Variants in GORASP2 observed in about 807,000 individuals in gnomAD.
The protein encoded by GORASP2 is golgi reassembly stacking protein 2.
A neutral mutation model predicts 45.7 loss-of-function variants in GORASP2; 22 were observed. The observed-to-expected ratio is 0.48, with a 90% confidence interval of 0.34 to 0.69. The LOEUF is 0.69. Among genes scored for constraint, GORASP2 ranks in the 30% least tolerant of loss-of-function variants. The probability of loss-of-function intolerance (pLI) is 0.01; values close to 1 mark genes in which losing one functional copy is unlikely to be tolerated. For missense variants in GORASP2, 491 were observed against 562.7 expected, an observed-to-expected ratio of 0.87 and a Z score of 1.29; for synonymous variants, 221 against 215.6, an observed-to-expected ratio of 1.02 and a Z score of -0.22.
Position 170,959,105 on chromosome 2 carries a change from C to T in GORASP2, c.823+2546C>T, listed in dbSNP as rs369119761. Among the ~76,000 whole-genome samples, 6 of 151,918 alleles carry T rather than the reference C, an allele frequency of 3.9e-5. No individual in the cohort carries two copies. In the East Asian group the frequency reaches 5.8e-4, roughly 15 times the overall value. ...CCTCCCGAGTAGCTGGGACTACAGG[C>T]GCACGCCACCATGCCCGGCTAATTG... On this transcript the variant is annotated intron_variant, in intron 7 of 9. Transcript: ENST00000234160.
At chr2:170,942,712 A>G (rs963486402) in intron 1 of GORASP2, among the ~76,000 whole-genome samples, 13 of 152,128 alleles carry the variant, frequency 8.5e-5, no homozygotes, top group Middle Eastern at 3.2e-3. Context: ...TTCCTTGGTT[A>G]TTTGTATACC....
chr2:170,954,363 T>A (rs1227273129), intron 5 of GORASP2: 1 of 288,254 alleles, frequency 3.5e-6, no homozygotes, highest in Non-Finnish European at 6.5e-6. Flanking sequence ...ATGCAGTGTG[T>A]TGGATGGTGA....
chr2:170,932,437 G>A (rs959605485), intron 1 of GORASP2, among the ~76,000 whole-genome samples: 1 of 152,186 alleles, frequency 6.6e-6, no homozygotes, highest in African/African-American at 2.4e-5. Flanking sequence ...GTACCTCCTG[G>A]TGTTGAACAT....
intron 1 of GORASP2, among the ~76,000 whole-genome samples, chr2:170,937,464 G>A (rs1312116064): frequency 1.3e-5 from 2 of 152,074 alleles, no homozygotes; most frequent in South Asian, 2.1e-4. Context: ...GCCTCCCAAC[G>A]TGCTGGGACT....
In GORASP2 at chr2:170,962,857, C is replaced by G. The variant is rs1375677366; in HGVS notation, c.929C>G (p.Ala310Gly). The G allele has an allele frequency of 1.2e-6, 2 of 1,613,276 alleles. No homozygotes were observed. Among genetic ancestry groups the G allele is most frequent in the African/African-American group, 1.3e-5 (1 of 74,886 alleles). ...TCTTCAGGTCTGATGCCTTTACCAG[C>G]AGGACTGCCCAACCTCCCCAACCTC... Reference protein sequence around the residue: ...TTLPGLMPLPAGLPNLPNLNL... With the variant: ...TTLPGLMPLPGGLPNLPNLNL... Residue 310 changes from alanine (A) to glycine (G), a missense_variant, in exon 9 of 10, where the codon GCA becomes GGA. Transcript: ENST00000234160.
At chr2:170,958,664 TTTTTTTTTTTAAA>T (rs1310826134) in intron 7 of GORASP2, among the ~76,000 whole-genome samples, 2 of 73,706 alleles carry the variant, frequency 2.7e-5, no homozygotes, top group African/African-American at 3.3e-5. Flanking sequence ...TTTTTTTTTT[TTTTTTTTTTTAAA>T]AAAAAAAAAA....
At chr2:170,949,889 G>A in intron 3 of GORASP2, 147 bp downstream of exon 3, 1 of 656,194 alleles carries the variant, frequency 1.5e-6, no homozygotes, top group East Asian at 2.7e-5. Context: ...TGCTTTTTAA[G>A]TATGGATCAA....
At chr2:170,943,709 G>T (rs1704125173) in intron 1 of GORASP2, among the ~76,000 whole-genome samples, 1 of 152,106 alleles carries the variant, frequency 6.6e-6, no homozygotes, top group Non-Finnish European at 1.5e-5. Flanking sequence ...GCCTTGCTCT[G>T]TCGCCCAGGC....
At chr2:170,929,783 G>A in intron 1 of GORASP2, 1 of 486,380 alleles carries the variant, frequency 2.1e-6, no homozygotes, top group South Asian at 1.5e-5. Context: ...TCTCCAAAGT[G>A]GTGACTGTGA....
At chr2:170,935,892 C>G (rs1365124216) in intron 1 of GORASP2, among the ~76,000 whole-genome samples, 1 of 152,084 alleles carries the variant, frequency 6.6e-6, no homozygotes, top group African/African-American at 2.4e-5. Context: ...TGCTTTCGTA[C>G]TTATGTGATG....
chr2:170,932,107 A>AT (rs1003994156), intron 1 of GORASP2, among the ~76,000 whole-genome samples: 3 of 152,132 alleles, frequency 2.0e-5, no homozygotes, highest in African/African-American at 7.2e-5. Context: ...CACACCTGTA[A>AT]TCCCAGCTAC....
intron 1 of GORASP2, chr2:170,929,729 C>T (rs3770442): frequency 0.22 from 124,333 of 561,144 alleles, 15,799 homozygotes; most frequent in Non-Finnish European, 0.28. Flanking sequence ...CTCCACCCCC[C>T]CTCATTTTTA....
chr2:170,928,842 A>G (rs76958969), upstream of GORASP2: 3,481 of 152,908 alleles, frequency 0.023, 150 homozygotes, highest in African/African-American at 0.078. Context: ...AGTTTGGGAA[A>G]ATACCTACAC....
At chr2:170,962,345 A>T (rs1004801630) in intron 8 of GORASP2, among the ~76,000 whole-genome samples, 2 of 152,272 alleles carry the variant, frequency 1.3e-5, no homozygotes, top group African/African-American at 2.4e-5. Context: ...ACACACAATG[A>T]TGAAGCAAGT....
At chr2:170,945,534 G>A (rs1704164605) in intron 1 of GORASP2, among the ~76,000 whole-genome samples, 1 of 149,932 alleles carries the variant, frequency 6.7e-6, no homozygotes, top group South Asian at 2.1e-4. Flanking sequence ...AGAAGAAACT[G>A]AACACCTTTA....
Position 170,956,563 on chromosome 2 carries a change from T to G in GORASP2, c.823+4T>G. 1 of 1,592,664 alleles carries G rather than the reference T, an allele frequency of 6.3e-7. No homozygotes were observed. The highest frequency in any genetic ancestry group is 8.5e-7 in the Non-Finnish European group (1 of 1,173,378). On this transcript the variant is annotated splice_donor_region_variant and intron_variant, in intron 7 of 9. Transcript: ENST00000234160. ...GTCAGTAGTGTTCTCAGTACAGGTGTGCAGAAAAATATATTCTGTTTTCAG... is the reference window on the plus strand; with the variant it reads ...GTCAGTAGTGTTCTCAGTACAGGTGGGCAGAAAAATATATTCTGTTTTCAG...
At chr2:170,930,142 C>T (rs890812496) in intron 1 of GORASP2, among the ~76,000 whole-genome samples, 2 of 152,062 alleles carry the variant, frequency 1.3e-5, no homozygotes, top group African/African-American at 4.8e-5. Context: ...TTTTAAAAAT[C>T]GGAGTATATA....
At position 170,949,607 on chromosome 2, in the gene GORASP2, C is replaced by T. The variant is rs1349869195; in HGVS notation, c.213C>T (p.Ile71=). ...ANVEKPVKML[I]YSSKTLELRE... is the part of the protein sequence containing the mutation. ...TTGAAAAGCCTGTAAAGATGCTTAT[C>T]TATAGCAGCAAAACATTGGAACTGC... Residue 71 remains isoleucine, a synonymous_variant, in exon 3 of 10, where the codon ATC becomes ATT. Coordinates refer to ENST00000234160, the MANE Select transcript of GORASP2 (RefSeq NM_015530.5). 2 of 1,613,752 alleles carry T rather than the reference C, an allele frequency of 1.2e-6. No individual in the cohort carries two copies. The highest frequency in any genetic ancestry group is 1.1e-5 in the South Asian group (1 of 91,080).
chr2:170,947,958 A>G (rs573271640), intron 1 of GORASP2, among the ~76,000 whole-genome samples: 1 of 152,000 alleles, frequency 6.6e-6, no homozygotes, highest in Non-Finnish European at 1.5e-5. Context: ...CTGTCTCTAC[A>G]AAAAATACAA....
Sources: gnomAD v4.1 joint callset for allele counts (sites outside exome capture counted in the v4.1 genomes callset) on GRCh38, gnomAD v4.1.1 for gene constraint, MANE v1.5 for transcripts, NCBI Gene and HGNC (gene_info 2026-07-23, HGNC 2026-07-21) for gene names.